OR2A5: variants seen among roughly 807,000 people sequenced by gnomAD.
The protein encoded by OR2A5 is olfactory receptor 2A5.
In OR2A5, 2 loss-of-function variants were observed where a neutral mutation model predicts 1.9. The ratio of observed to expected loss-of-function variants is 1.04; its 90% CI spans 0.43 to 3.28. OR2A5 has a LOEUF of 3.28. Among genes scored for constraint, OR2A5 ranks in the 30% most tolerant of loss-of-function variants. The probability of loss-of-function intolerance (pLI) is 0.08; values close to 1 mark genes in which losing one functional copy is unlikely to be tolerated. For synonymous variants in OR2A5, 160 were observed against 154.5 expected, an observed-to-expected ratio of 1.04 and a Z score of -0.26; for missense variants, 391 against 375.9, an observed-to-expected ratio of 1.04 and a Z score of -0.33.
rs2050933271 is a variant in OR2A5 at position 144,055,551 on chromosome 7, G to T, written c.*4214G>T. 2 of 152,178 alleles carry T rather than the reference G, an allele frequency of 1.3e-5. No homozygotes were observed. Among genetic ancestry groups the T allele is most frequent in the Non-Finnish European group, 1.5e-5 (1 of 67,990 alleles). 9.4% of individuals were successfully genotyped at this position (152,178 alleles called of 1,614,324 possible). A position where few individuals can be genotyped will look rare whatever the true frequency, so the allele number is the denominator to read the frequency against. ...CTTTTTTCTGTCAAAATCCCGTCTT[G>T]TTCTTCCGAGGATTCAGCAGAGTCA... On this transcript the variant is annotated 3_prime_UTR_variant, in exon 2 of 2. Coordinates refer to ENST00000641693, the MANE Select transcript of OR2A5 (RefSeq NM_012365.2).
In OR2A5 at chr7:144,056,388, T is replaced by C. The variant is rs2050939478; in HGVS notation, c.*5051T>C. On this transcript the variant is annotated 3_prime_UTR_variant, in exon 2 of 2. Transcript: ENST00000641693. ...ACTCAGTCTCACTATAGGTACATAATTCTAAACCATTTACGTAAGATCCAG... is the reference window on the plus strand; with the variant it reads ...ACTCAGTCTCACTATAGGTACATAACTCTAAACCATTTACGTAAGATCCAG... The C allele has an allele frequency of 6.6e-6, 1 of 152,194 alleles. No individual in the cohort carries two copies. The highest frequency in any genetic ancestry group is 2.4e-5 in the African/African-American group (1 of 41,444). The allele number at this position is 152,194 out of a possible 1,614,324, so 9.4% of individuals were successfully genotyped here. A position where few individuals can be genotyped will look rare whatever the true frequency, so the allele number is the denominator to read the frequency against.
rs942207009 is a variant in OR2A5 at position 144,058,657 on chromosome 7, T to C, written c.*7320T>C. 6.6e-6 allele frequency: 1 copy of C among 152,350 alleles called. No homozygotes were observed. The highest frequency in any genetic ancestry group is 1.5e-5 in the Non-Finnish European group (1 of 68,198). 9.4% of individuals were successfully genotyped at this position (152,350 alleles called of 1,614,324 possible). On this transcript the variant is annotated 3_prime_UTR_variant, in exon 2 of 2. Transcript: ENST00000641693. ...GACTCACACCTGTAATCCCAGCACT[T>C]TGGGAGGCCGAGGTGGGTGGATCGC...
Position 144,051,603 on chromosome 7 carries a change from C to A in OR2A5, c.*266C>A. The A allele has an allele frequency of 2.5e-6, 1 of 406,548 alleles. No individual in the cohort carries two copies. The highest frequency in any genetic ancestry group is 4.4e-6 in the Non-Finnish European group (1 of 228,600). The allele number at this position is 406,548 out of a possible 1,614,324, so 25.2% of individuals were successfully genotyped here. On this transcript the variant is annotated 3_prime_UTR_variant, in exon 2 of 2. Coordinates refer to ENST00000641693, the MANE Select transcript of OR2A5 (RefSeq NM_012365.2). ...CCCTACCCAGGATCTGCTTTCTGTTCTTTTGAGGCTTAGTTCTCTCAAGCT... is the reference window on the plus strand; with the variant it reads ...CCCTACCCAGGATCTGCTTTCTGTTATTTTGAGGCTTAGTTCTCTCAAGCT...
Position 144,051,041 on chromosome 7 carries a change from G to A in OR2A5, c.640G>A (p.Val214Met), listed in dbSNP as rs751097204. The change falls in exon 2 of 2, where the codon GTG becomes ATG. Residue 214 changes from valine (V) to methionine (M), a missense_variant. Val to Met is a conservative substitution (Grantham distance 21, BLOSUM62 1). Coordinates refer to ENST00000641693, the MANE Select transcript of OR2A5 (RefSeq NM_012365.2). ...VFILVGPLCL[V>M]LVSYSRILAA... is the part of the protein sequence containing the mutation. ...CATCCTGGTGGGGCCGCTCTGCCTG[G>A]TGCTGGTCTCCTACTCGCGCATCCT... 3.1e-6 allele frequency: 5 copies of A among 1,614,180 alleles called. No individual in the cohort carries two copies. Among genetic ancestry groups the A allele is most frequent in the Non-Finnish European group, 4.2e-6 (5 of 1,180,036 alleles).
rs1032599997 is a variant in OR2A5, at chr7:144,052,176, A to G, written c.*839A>G. ...CAAGGGAAACTGACAGCTTGATGTAACATCATAGACCACCGCTTAGAACCA... is the reference window on the plus strand; with the variant it reads ...CAAGGGAAACTGACAGCTTGATGTAGCATCATAGACCACCGCTTAGAACCA... On this transcript the variant is annotated 3_prime_UTR_variant, in exon 2 of 2. Coordinates refer to ENST00000641693, the MANE Select transcript of OR2A5 (RefSeq NM_012365.2). The G allele has an allele frequency of 1.3e-5, 2 of 152,186 alleles. No homozygotes were observed. Among genetic ancestry groups the G allele is most frequent in the African/African-American group, 4.8e-5 (2 of 41,458 alleles). The allele number at this position is 152,186 out of a possible 1,614,324, so 9.4% of individuals were successfully genotyped here.
Position 144,053,079 on chromosome 7 carries a change from A to T in OR2A5, c.*1742A>T, listed in dbSNP as rs1376740463. 2.0e-5 allele frequency: 3 copies of T among 152,166 alleles called. No individual in the cohort carries two copies. The highest frequency in any genetic ancestry group is 2.9e-5 in the Non-Finnish European group (2 of 68,020). 9.4% of individuals were successfully genotyped at this position (152,166 alleles called of 1,614,324 possible). The stretch of plus-strand genomic sequence containing the variant: ...GATTCAGAATTTTTTTACCTAGGGT[A>T]CAGTGGAAAAATCAGGGGGTATAAT... On this transcript the variant is annotated 3_prime_UTR_variant, in exon 2 of 2. Transcript: ENST00000641693.
rs2050927876 is a variant in OR2A5, at chr7:144,054,796, G to A, written c.*3459G>A. On this transcript the variant is annotated 3_prime_UTR_variant, in exon 2 of 2. Coordinates refer to ENST00000641693, the MANE Select transcript of OR2A5 (RefSeq NM_012365.2). ...TATATACAAAAATAATTAGTCCATA[G>A]CTTTGTTACGTTCATTCTCCTACCC... 1 of 152,128 alleles carries A rather than the reference G, an allele frequency of 6.6e-6. No individual in the cohort carries two copies. The highest frequency in any genetic ancestry group is 2.1e-4 in the South Asian group (1 of 4,822). The allele number at this position is 152,128 out of a possible 1,614,324, so 9.4% of individuals were successfully genotyped here.
chr7:144,055,780 C>T lies in OR2A5; in HGVS notation c.*4443C>T, dbSNP rs919961340. 3 of 152,138 alleles carry T rather than the reference C, an allele frequency of 2.0e-5. No individual in the cohort carries two copies. Among genetic ancestry groups the T allele is most frequent in the Non-Finnish European group, 2.9e-5 (2 of 68,050 alleles). 9.4% of individuals were successfully genotyped at this position (152,138 alleles called of 1,614,324 possible). A position where few individuals can be genotyped will look rare whatever the true frequency, so the allele number is the denominator to read the frequency against. Reference sequence around the variant, plus strand: ...GGCACAGGGGCTTGCACATGTAATCCCAAAAACTGAAGAGATTGAGGTGGG... The same window carrying T: ...GGCACAGGGGCTTGCACATGTAATCTCAAAAACTGAAGAGATTGAGGTGGG... On this transcript the variant is annotated 3_prime_UTR_variant, in exon 2 of 2. Coordinates refer to ENST00000641693, the MANE Select transcript of OR2A5 (RefSeq NM_012365.2).
rs1460920551 is a variant in OR2A5, at chr7:144,055,532, T to C, written c.*4195T>C. The C allele has an allele frequency of 6.6e-6, 1 of 152,234 alleles. No individual in the cohort carries two copies. Among genetic ancestry groups the C allele is most frequent in the African/African-American group, 2.4e-5 (1 of 41,454 alleles). 9.4% of individuals were successfully genotyped at this position (152,234 alleles called of 1,614,324 possible). ...ATGGTAATTCTAAGATAATCTTTTTTCTGTCAAAATCCCGTCTTGTTCTTC... is the reference window on the plus strand; with the variant it reads ...ATGGTAATTCTAAGATAATCTTTTTCCTGTCAAAATCCCGTCTTGTTCTTC... On this transcript the variant is annotated 3_prime_UTR_variant, in exon 2 of 2. Transcript: ENST00000641693.
rs746868273 is a variant in OR2A5 at position 144,050,391 on chromosome 7, G to A, written c.-11G>A. The A allele has an allele frequency of 6.6e-7, 1 of 1,525,642 alleles. No homozygotes were observed. Among genetic ancestry groups the A allele is most frequent in the African/African-American group, 1.4e-5 (1 of 71,772 alleles). 94.5% of individuals were successfully genotyped at this position (1,525,642 alleles called of 1,614,324 possible). On this transcript the variant is annotated 5_prime_UTR_variant, in exon 2 of 2. Transcript: ENST00000641693. ...CACAGCAGAGTCCAACGCAGGTACT[G>A]TCACAAGGGCATGACAAAAAATCAG...
Position 144,057,418 on chromosome 7 carries a change from G to T in OR2A5, c.*6081G>T, listed in dbSNP as rs1244941050. On this transcript the variant is annotated 3_prime_UTR_variant, in exon 2 of 2. Coordinates refer to ENST00000641693, the MANE Select transcript of OR2A5 (RefSeq NM_012365.2). ...AGATACTCTGAGTATCAAGCTACATGAATAAAAATAAATTAATATCTAGAC... is the reference window on the plus strand; with the variant it reads ...AGATACTCTGAGTATCAAGCTACATTAATAAAAATAAATTAATATCTAGAC... 6.6e-6 allele frequency: 1 copy of T among 151,896 alleles called. No individual in the cohort carries two copies. Among genetic ancestry groups the T allele is most frequent in the African/African-American group, 2.4e-5 (1 of 41,362 alleles). The allele number at this position is 151,896 out of a possible 1,614,324, so 9.4% of individuals were successfully genotyped here. A position where few individuals can be genotyped will look rare whatever the true frequency, so the allele number is the denominator to read the frequency against.
At position 144,054,355 on chromosome 7, in the gene OR2A5, T is replaced by G. The variant is rs1261297698; in HGVS notation, c.*3018T>G. On this transcript the variant is annotated 3_prime_UTR_variant, in exon 2 of 2. Coordinates refer to ENST00000641693, the MANE Select transcript of OR2A5 (RefSeq NM_012365.2). ...GACTTTATGTGACTCTGATTTGAAG[T>G]GATGTATTTTTGTGAGAAGGATATA... The G allele has an allele frequency of 6.6e-6, 1 of 152,208 alleles. No homozygotes were observed. 9.4% of individuals were successfully genotyped at this position (152,208 alleles called of 1,614,324 possible).
chr7:144,051,126 C>T lies in OR2A5; in HGVS notation c.725C>T (p.Ser242Phe), dbSNP rs902648333. Residue 242 changes from serine (S) to phenylalanine (F), a missense_variant, in exon 2 of 2, where the codon TCC becomes TTC. Ser to Phe is a radical substitution (Grantham distance 155). Coordinates refer to ENST00000641693, the MANE Select transcript of OR2A5 (RefSeq NM_012365.2). Reference sequence around the variant, plus strand: ...CGCAGAAAGGCCTTCTCCACCTGCTCCTCCCACCTTTGCATGGTGGGACTC... The same window carrying T: ...CGCAGAAAGGCCTTCTCCACCTGCTTCTCCCACCTTTGCATGGTGGGACTC... ...EGRRKAFSTC[S>F]SHLCMVGLFF... is the part of the protein sequence containing the mutation. 6.2e-7 allele frequency: 1 copy of T among 1,614,230 alleles called. No homozygotes were observed. The highest frequency in any genetic ancestry group is 2.2e-5 in the East Asian group (1 of 44,876).
rs2050931407 is a variant in OR2A5, at chr7:144,055,335, T to C, written c.*3998T>C. The C allele has an allele frequency of 6.6e-6, 1 of 152,190 alleles. No individual in the cohort carries two copies. Among genetic ancestry groups the C allele is most frequent in the African/African-American group, 2.4e-5 (1 of 41,464 alleles). 9.4% of individuals were successfully genotyped at this position (152,190 alleles called of 1,614,324 possible). A position where few individuals can be genotyped will look rare whatever the true frequency, so the allele number is the denominator to read the frequency against. ...TGCAGCCTTACTATAAATAGAAACATAAAGGTTGAGTAAAATATAAATACG... is the reference window on the plus strand; with the variant it reads ...TGCAGCCTTACTATAAATAGAAACACAAAGGTTGAGTAAAATATAAATACG... On this transcript the variant is annotated 3_prime_UTR_variant, in exon 2 of 2. Coordinates refer to ENST00000641693, the MANE Select transcript of OR2A5 (RefSeq NM_012365.2).
Position 144,056,727 on chromosome 7 carries a change from A to G in OR2A5, c.*5390A>G, listed in dbSNP as rs755475496. On this transcript the variant is annotated 3_prime_UTR_variant, in exon 2 of 2. Coordinates refer to ENST00000641693, the MANE Select transcript of OR2A5 (RefSeq NM_012365.2). ...CCAGGGATTAAGACGGAAAATAATTAGAAAATAACAGATGGATCCCAAAAG... is the reference window on the plus strand; with the variant it reads ...CCAGGGATTAAGACGGAAAATAATTGGAAAATAACAGATGGATCCCAAAAG... The G allele has an allele frequency of 1.3e-5, 2 of 152,228 alleles. No individual in the cohort carries two copies. Among genetic ancestry groups the G allele is most frequent in the Non-Finnish European group, 2.9e-5 (2 of 68,038 alleles). The allele number at this position is 152,228 out of a possible 1,614,324, so 9.4% of individuals were successfully genotyped here.
rs560770353 is a variant in OR2A5 at position 144,053,112 on chromosome 7, A to G, written c.*1775A>G. ...AAAATCAGGGGGTATAATTCATCCT[A>G]TGTCAGTTCTAAGTGATTGGGAAAG... is the stretch of plus-strand genomic sequence containing the variant. On this transcript the variant is annotated 3_prime_UTR_variant, in exon 2 of 2. Transcript: ENST00000641693. 2.6e-5 allele frequency: 4 copies of G among 152,224 alleles called. 1 individual carries two copies. In the South Asian group the frequency reaches 8.3e-4, roughly 32 times the overall value. The allele number at this position is 152,224 out of a possible 1,614,324, so 9.4% of individuals were successfully genotyped here. A position where few individuals can be genotyped will look rare whatever the true frequency, so the allele number is the denominator to read the frequency against.
At position 144,051,241 on chromosome 7, in the gene OR2A5, T is replaced by A. The variant is rs1449646475; in HGVS notation, c.840T>A (p.Leu280=). The change falls in exon 2 of 2, where the codon CTT becomes CTA. Residue 280 remains leucine, a synonymous_variant. Coordinates refer to ENST00000641693, the MANE Select transcript of OR2A5 (RefSeq NM_012365.2). Reference sequence around the variant, plus strand: ...AGGTCCTTTCCCTGTTTTACAGCCTTTTCAACCCGATGCTGAACCCCTTGA... The same window carrying A: ...AGGTCCTTTCCCTGTTTTACAGCCTATTCAACCCGATGCTGAACCCCTTGA... The part of the protein sequence containing the change: ...QQKVLSLFYS[L]FNPMLNPLIY... 6 of 1,613,844 alleles carry A rather than the reference T, an allele frequency of 3.7e-6. No homozygotes were observed. In the Admixed American group the frequency reaches 1.0e-4, roughly 27 times the overall value.
At position 144,056,489 on chromosome 7, in the gene OR2A5, G is replaced by A. The variant is rs1028705456; in HGVS notation, c.*5152G>A. The A allele has an allele frequency of 6.6e-6, 1 of 152,166 alleles. No homozygotes were observed. The highest frequency in any genetic ancestry group is 2.4e-5 in the African/African-American group (1 of 41,444). 9.4% of individuals were successfully genotyped at this position (152,166 alleles called of 1,614,324 possible). ...AGATGAGAGAAGAGGGAGGGAGAGA[G>A]ACAGACAGAGAGAAATGGAGAGAGA... On this transcript the variant is annotated 3_prime_UTR_variant, in exon 2 of 2. Transcript: ENST00000641693.
Position 144,056,184 on chromosome 7 carries a change from A to G in OR2A5, c.*4847A>G, listed in dbSNP as rs1454260977. 1 of 152,242 alleles carries G rather than the reference A, an allele frequency of 6.6e-6. No homozygotes were observed. The highest frequency in any genetic ancestry group is 1.5e-5 in the Non-Finnish European group (1 of 68,082). The allele number at this position is 152,242 out of a possible 1,614,324, so 9.4% of individuals were successfully genotyped here. On this transcript the variant is annotated 3_prime_UTR_variant, in exon 2 of 2. Transcript: ENST00000641693. ...GAGGCTTAGCACCTTCCTTGAAAAT[A>G]AGGTATGGAGGAGGGTGGGAGGGAC...
Sources: allele counts gnomAD v4.1 joint callset, GRCh38; gene constraint gnomAD v4.1.1; transcripts MANE v1.5; gene names NCBI Gene and HGNC (gene_info 2026-07-23, HGNC 2026-07-21).